Variants in CERKL observed in about 807,000 individuals in gnomAD.
CERKL encodes the protein ceramide kinase-like protein.
A neutral mutation model predicts 63.4 loss-of-function variants in CERKL; 61 were observed. The observed-to-expected ratio is 0.96, with a 90% CI of 0.78 to 1.19. CERKL has a LOEUF of 1.19. Among genes scored for constraint, CERKL ranks in the 50% most tolerant of loss-of-function variants. CERKL has a pLI of 0.00. For synonymous variants in CERKL, 250 were observed against 230.5 expected (o/e 1.08, Z -0.77); for missense variants, 675 against 655.5 (o/e 1.03, Z -0.33).
intron 2 of CERKL, among the ~76,000 whole-genome samples, chr2:181,576,820 G>A (rs2105851477): frequency 6.6e-6 from 1 of 152,340 alleles, no homozygotes; most frequent in Middle Eastern, 3.4e-3. Flanking sequence ...TTTGGATATA[G>A]TATGTGAAAG....
Position 181,536,967 on chromosome 2 carries a change from C to A in CERKL, c.*1217G>T, listed in dbSNP as rs199901988. 11 of 452,342 alleles carry A rather than the reference C, an allele frequency of 2.4e-5. No homozygotes were observed. The highest frequency in any genetic ancestry group is 4.9e-5 in the Non-Finnish European group (11 of 226,266). 28.0% of individuals were successfully genotyped at this position (452,342 alleles called of 1,614,324 possible). ...GAAGTCCCTGCCACTAGCCAGCCAT[C>A]CTAATTGATGAAAGTTATCTGTTCA... On this transcript the variant is annotated 3_prime_UTR_variant, in exon 13 of 13. Transcript: ENST00000410087.
At chr2:181,555,675 T>G (rs1688170677) in intron 5 of CERKL, among the ~76,000 whole-genome samples, 1 of 152,128 alleles carries the variant, frequency 6.6e-6, no homozygotes, top group Admixed American at 6.6e-5. Flanking sequence ...GAAAAATATT[T>G]TGCTTTTTTA....
Position 181,558,453 on chromosome 2 carries a change from CT to C in CERKL, c.820+112del. ...ATTTGCTAGTGGGGATGCCAGAAGT[CT>C]GGATCTTTCAAAGTCTGTTCATTAA... On this transcript the variant is annotated intron_variant, in intron 5 of 12. Transcript: ENST00000410087. This position sits in a 1 kb window ranked among gnomAD's most constrained non-coding sequence, Gnocchi z 4.2. 3 of 1,197,066 alleles carry C rather than the reference CT, an allele frequency of 2.5e-6. No individual in the cohort carries two copies. Among genetic ancestry groups the C allele is most frequent in the Non-Finnish European group, 3.7e-6 (3 of 815,068 alleles). The allele number at this position is 1,197,066 out of a possible 1,614,324, so 74.2% of individuals were successfully genotyped here.
chr2:181,542,853 G>A lies in CERKL; in HGVS notation c.1365+1847C>T, dbSNP rs137975527. 2.6e-5 allele frequency among the ~76,000 whole-genome samples: 4 copies of A among 152,188 alleles called. No individual in the cohort carries two copies. In the East Asian group the frequency reaches 7.7e-4, roughly 29 times the overall value. ...TTATTTTCTGTATGTCTGTCTTTAT[G>A]TGTAAGGTAACCATTGCTTTTAAAA... On this transcript the variant is annotated intron_variant, in intron 11 of 12. Coordinates refer to ENST00000410087, the MANE Select transcript of CERKL (RefSeq NM_201548.5).
intron 1 of CERKL, among the ~76,000 whole-genome samples, chr2:181,616,206 ATTTTTT>A (rs35040208): frequency 9.1e-6 from 1 of 110,074 alleles, no homozygotes; most frequent in African/African-American, 3.9e-5. Flanking sequence ...AAAAATCTAA[ATTTTTT>A]TTTTTTTTTT....
intron 1 of CERKL, among the ~76,000 whole-genome samples, chr2:181,645,882 T>C (rs1687652644): frequency 6.6e-6 from 1 of 152,190 alleles, no homozygotes; most frequent in African/African-American, 2.4e-5. Flanking sequence ...CCTTGCCATC[T>C]TGAAGTGGGG....
intron 1 of CERKL, among the ~76,000 whole-genome samples, chr2:181,649,286 C>G (rs1197731154): frequency 6.6e-6 from 1 of 151,926 alleles, no homozygotes; most frequent in African/African-American, 2.4e-5. Flanking sequence ...GACTTTAAGT[C>G]AAAAACTGTA....
At chr2:181,613,632 G>A in intron 1 of CERKL, among the ~76,000 whole-genome samples, 1 of 152,326 alleles carries the variant, frequency 6.6e-6, no homozygotes, top group East Asian at 1.9e-4. Context: ...TATAGGCTTA[G>A]AAGAAATATT....
intron 5 of CERKL, among the ~76,000 whole-genome samples, chr2:181,551,692 A>G (rs1687994963): frequency 6.6e-6 from 1 of 152,202 alleles, no homozygotes; most frequent in Admixed American, 6.6e-5. Context: ...ATACTTTTAC[A>G]CTGTTGGTGT....
chr2:181,607,960 C>T (rs1024894624), intron 1 of CERKL, among the ~76,000 whole-genome samples: 2 of 152,188 alleles, frequency 1.3e-5, no homozygotes, highest in Admixed American at 1.3e-4. Flanking sequence ...CAAAAATCAG[C>T]TAGTCAAACA....
At chr2:181,618,969 A>G (rs758325659) in intron 1 of CERKL, among the ~76,000 whole-genome samples, 1 of 152,180 alleles carries the variant, frequency 6.6e-6, no homozygotes, top group Non-Finnish European at 1.5e-5. Context: ...AATACCTAAG[A>G]TTTTATTACT....
chr2:181,537,817 CTAAT>C lies in CERKL; in HGVS notation c.*363_*366del, dbSNP rs1687241064. On this transcript the variant is annotated 3_prime_UTR_variant, in exon 13 of 13. Coordinates refer to ENST00000410087, the MANE Select transcript of CERKL (RefSeq NM_201548.5). The stretch of plus-strand genomic sequence containing the variant: ...ATCTTGACTTTTAAAGCCCTAGAGG[CTAAT>C]TGTTAGTAACATCAATTTCTATTAG... 2.1e-6 allele frequency: 1 copy of C among 475,242 alleles called. No homozygotes were observed. Among genetic ancestry groups the C allele is most frequent in the Non-Finnish European group, 4.1e-6 (1 of 241,218 alleles). 29.4% of individuals were successfully genotyped at this position (475,242 alleles called of 1,614,324 possible). A position where few individuals can be genotyped will look rare whatever the true frequency, so the allele number is the denominator to read the frequency against.
rs1414156387 is a variant in CERKL, at chr2:181,537,786, T to A, written c.*398A>T. The A allele has an allele frequency of 2.2e-6, 1 of 458,168 alleles. No individual in the cohort carries two copies. The highest frequency in any genetic ancestry group is 2.0e-5 in the African/African-American group (1 of 50,176). 28.4% of individuals were successfully genotyped at this position (458,168 alleles called of 1,614,324 possible). On this transcript the variant is annotated 3_prime_UTR_variant, in exon 13 of 13. Coordinates refer to ENST00000410087, the MANE Select transcript of CERKL (RefSeq NM_201548.5). ...TATCTAAAAACAGAATTTGAATTGATATTTCATCTTGACTTTTAAAGCCCT... is the reference window on the plus strand; with the variant it reads ...TATCTAAAAACAGAATTTGAATTGAAATTTCATCTTGACTTTTAAAGCCCT...
rs369911393 is a variant in CERKL at position 181,566,132 on chromosome 2, A to AAC, written c.614-13_614-12dup. 5 of 1,604,740 alleles carry AAC rather than the reference A, an allele frequency of 3.1e-6. No individual in the cohort carries two copies. Among genetic ancestry groups the AAC allele is most frequent in the African/African-American group, 1.3e-5 (1 of 74,834 alleles). ...CTTCATATTCCATTACTATTAAAAAAACACACACACATACACAAAGTGACA... is the reference window on the plus strand; with the variant it reads ...CTTCATATTCCATTACTATTAAAAAAACACACACACACATACACAAAGTGACA... On this transcript the variant is annotated splice_polypyrimidine_tract_variant and intron_variant, in intron 3 of 12. Transcript: ENST00000410087.
At chr2:181,625,977 G>A (rs1435190509) in intron 1 of CERKL, among the ~76,000 whole-genome samples, 4 of 152,128 alleles carry the variant, frequency 2.6e-5, no homozygotes, top group Non-Finnish European at 4.4e-5. Context: ...AATTGTGTCA[G>A]TGAATGCTCA....
chr2:181,539,903 T>C lies in CERKL; in HGVS notation c.1366-639A>G, dbSNP rs78484117. On this transcript the variant is annotated intron_variant, in intron 11 of 12. Transcript: ENST00000410087. ...AGGAAACTATACTGAAAAAGCACTA[T>C]GTATTTTCTGACATAATTAAGAAAA... Among the ~76,000 whole-genome samples the C allele has an allele frequency of 1.2e-3, 182 of 152,346 alleles. 1 individual carries two copies. The East Asian group carries it at 0.031, about 26-fold the overall frequency.
At chr2:181,626,616 TA>T (rs1363916796) in intron 1 of CERKL, among the ~76,000 whole-genome samples, 1 of 152,220 alleles carries the variant, frequency 6.6e-6, no homozygotes, top group Non-Finnish European at 1.5e-5. Context: ...TCTGACAAAG[TA>T]AATATGCTCC....
At chr2:181,553,686 G>A (rs1428877654) in intron 5 of CERKL, among the ~76,000 whole-genome samples, 3 of 152,132 alleles carry the variant, frequency 2.0e-5, no homozygotes, top group Non-Finnish European at 4.4e-5. Flanking sequence ...AGTGATAACA[G>A]ACATGACTAG....
rs1178010850 is a variant in CERKL, at chr2:181,537,237, A to AAGGAAATTTACATTT, written c.*932_*946dup. 4.4e-6 allele frequency: 2 copies of AAGGAAATTTACATTT among 453,792 alleles called. No individual in the cohort carries two copies. Among genetic ancestry groups the AAGGAAATTTACATTT allele is most frequent in the Admixed American group, 4.7e-5 (2 of 42,528 alleles). 28.1% of individuals were successfully genotyped at this position (453,792 alleles called of 1,614,324 possible). A position where few individuals can be genotyped will look rare whatever the true frequency, so the allele number is the denominator to read the frequency against. The stretch of plus-strand genomic sequence containing the variant: ...AACTGTCTTCTCCAGGATGGTCTCT[A>AAGGAAATTTACATTT]AGGAAATTTACATTTGGTTCTTTCC... On this transcript the variant is annotated 3_prime_UTR_variant, in exon 13 of 13. Coordinates refer to ENST00000410087, the MANE Select transcript of CERKL (RefSeq NM_201548.5).
Sources: gnomAD v4.1 joint callset for allele counts (sites outside exome capture counted in the v4.1 genomes callset) on GRCh38, gnomAD v4.1.1 for gene constraint, Gnocchi (gnomAD v3.1) non-coding constraint, MANE v1.5 for transcripts, NCBI Gene and HGNC (gene_info 2026-07-23, HGNC 2026-07-21) for gene names.